Variants in DNAH5 observed in about 807,000 individuals in gnomAD.
DNAH5 encodes the protein dynein axonemal heavy chain 5, also known as axonemal beta dynein heavy chain 5.
In DNAH5, 372 loss-of-function variants were observed where a neutral mutation model predicts 518.2. That is an observed-to-expected ratio of 0.72 (90% CI 0.66 to 0.78). The LOEUF (loss-of-function observed/expected upper bound fraction) is 0.78, where lower values mean the gene tolerates loss of function less well. Ranked by LOEUF, DNAH5 falls within the 30% of genes least tolerant of loss-of-function variation. The pLI is 0.00. For missense variants in DNAH5, 5,523 were observed against 5,687.0 expected (o/e 0.97, Z 0.93); for synonymous variants, 2,039 against 2,025.9 (o/e 1.01, Z -0.17).
At chr5:13,916,752 C>A (rs1383419989) in intron 8 of DNAH5, among the ~76,000 whole-genome samples, 1 of 151,796 alleles carries the variant, frequency 6.6e-6, no homozygotes, top group Non-Finnish European at 1.5e-5. Flanking sequence ...TAATGTTGTA[C>A]TAAGTAAAAG....
At chr5:13,729,762 A>G (rs930452321) in intron 68 of DNAH5, among the ~76,000 whole-genome samples, 23 of 152,224 alleles carry the variant, frequency 1.5e-4, no homozygotes, top group Non-Finnish European at 1.5e-5. Context: ...ATCATCAGTA[A>G]TATAACTTTG....
rs771318876 is a variant in DNAH5 at position 13,692,121 on chromosome 5, G to A, written c.13738C>T (p.Arg4580Trp). The A allele has an allele frequency of 8.1e-6, 13 of 1,613,888 alleles. No homozygotes were observed. Among genetic ancestry groups the A allele is most frequent in the South Asian group, 4.4e-5 (4 of 91,084 alleles). The change falls in exon 79 of 79, where the codon CGG (arginine) becomes TGG (tryptophan). Residue 4580 changes from arginine (R) to tryptophan (W), a missense_variant. Coordinates refer to ENST00000265104, the MANE Select transcript of DNAH5 (RefSeq NM_001369.3). The part of the protein sequence containing the change: ...YAENNTLRDP[R>W]FYSCPIYKKP... ...TTATAGATGGGACAGGAGTAAAACC[G>A]AGGATCTCGTAAAGCTACAAAAAAC...
chr5:13,898,822 C>T (rs545812492), intron 15 of DNAH5: 17 of 388,810 alleles, frequency 4.4e-5, no homozygotes, highest in East Asian at 1.1e-4. Flanking sequence ...ATTCCATGGC[C>T]GCATCTCTGA....
Position 13,788,636 on chromosome 5 carries a change from A to G in DNAH5, c.8647+80T>C. Reference sequence around the variant, plus strand: ...TTTACTAGAAAGAAACTCAACATCCATAAACTGAATCTTCTGTCTTCAGAT... The same window carrying G: ...TTTACTAGAAAGAAACTCAACATCCGTAAACTGAATCTTCTGTCTTCAGAT... On this transcript the variant is annotated intron_variant, in intron 51 of 78. Coordinates refer to ENST00000265104, the MANE Select transcript of DNAH5 (RefSeq NM_001369.3). The G allele has an allele frequency of 2.4e-6, 3 of 1,237,582 alleles. No individual in the cohort carries two copies. The South Asian group carries it at 3.6e-5, about 15-fold the overall frequency. 76.7% of individuals were successfully genotyped at this position (1,237,582 alleles called of 1,614,324 possible).
intron 53 of DNAH5, among the ~76,000 whole-genome samples, chr5:13,777,821 G>A (rs1046114618): frequency 1.3e-5 from 2 of 152,102 alleles, no homozygotes; most frequent in African/African-American, 2.4e-5. Context: ...CCCCAACACC[G>A]TTATCATCAT....
intron 22 of DNAH5, among the ~76,000 whole-genome samples, chr5:13,872,340 T>C (rs1172982858): frequency 6.6e-6 from 1 of 152,208 alleles, no homozygotes; most frequent in African/African-American, 2.4e-5. Context: ...ACATAAAATG[T>C]ATAATTCATA....
Position 13,720,993 on chromosome 5 carries a change from G to A in DNAH5, c.12279+7C>T, listed in dbSNP as rs1412161583. On this transcript the variant is annotated splice_region_variant and intron_variant, in intron 71 of 78. Coordinates refer to ENST00000265104, the MANE Select transcript of DNAH5 (RefSeq NM_001369.3). ...GCATGGCACAAAAGTAGACTATTCA[G>A]CCTTACGTTCGCCATGGTCTGCTGC... The A allele has an allele frequency of 6.2e-7, 1 of 1,614,054 alleles. No homozygotes were observed.
In DNAH5 at chr5:13,717,476, T is replaced by C; in HGVS notation, c.12544A>G (p.Lys4182Glu). 6.2e-7 allele frequency: 1 copy of C among 1,614,162 alleles called. No individual in the cohort carries two copies. The highest frequency in any genetic ancestry group is 1.1e-5 in the South Asian group (1 of 91,086). ...LLDVSSGSQWKPMLYAVAFLH... is the reference protein window; with the variant it reads ...LLDVSSGSQWEPMLYAVAFLH... ...AAAGCCACTGCGTACAGCATGGGCT[T>C]CCACTGGGACCCAGAGCTCACGTCC... The change falls in exon 73 of 79, where the codon AAG (lysine) becomes GAG (glutamate). Residue 4182 changes from lysine to glutamate, a missense_variant. Coordinates refer to ENST00000265104, the MANE Select transcript of DNAH5 (RefSeq NM_001369.3).
At chr5:13,908,570 G>T in intron 12 of DNAH5, among the ~76,000 whole-genome samples, 2 of 152,190 alleles carry the variant, frequency 1.3e-5, no homozygotes, top group East Asian at 1.9e-4. Flanking sequence ...CTTCATACTC[G>T]TCTTCACATT....
At chr5:13,801,854 A>C (rs1758805235) in intron 47 of DNAH5, among the ~76,000 whole-genome samples, 1 of 152,162 alleles carries the variant, frequency 6.6e-6, no homozygotes, top group South Asian at 2.1e-4. Context: ...TACAGTTAAA[A>C]AAAAACACAT....
In DNAH5 at chr5:13,709,879, C is replaced by T. The variant is rs28736276; in HGVS notation, c.13126-1544G>A. Among the ~76,000 whole-genome samples, 1,499 of 152,286 alleles carry T rather than the reference C, an allele frequency of 9.8e-3. 24 individuals are homozygous for T. The highest frequency in any genetic ancestry group is 0.033 in the African/African-American group (1,361 of 41,554). On this transcript the variant is annotated intron_variant, in intron 75 of 78. Transcript: ENST00000265104. ...TACTTGGTGGTCCTTCCCTACCCACCCTGGTAGTGGAAGACAAACGGCATA... is the reference window on the plus strand; with the variant it reads ...TACTTGGTGGTCCTTCCCTACCCACTCTGGTAGTGGAAGACAAACGGCATA...
intron 1 of DNAH5, among the ~76,000 whole-genome samples, chr5:13,989,820 TTA>T (rs1203851584): frequency 6.6e-6 from 1 of 151,830 alleles, no homozygotes; most frequent in Non-Finnish European, 1.5e-5. Flanking sequence ...TTTCTGAGAC[TTA>T]GAGGTAGGTT....
At chr5:13,838,675 C>A (rs1320348776) in intron 35 of DNAH5, among the ~76,000 whole-genome samples, 1 of 152,108 alleles carries the variant, frequency 6.6e-6, no homozygotes, top group African/African-American at 2.4e-5. Context: ...TTATCCATTA[C>A]AATGTAATAA....
intron 1 of DNAH5, among the ~76,000 whole-genome samples, chr5:13,981,212 A>G (rs1292053654): frequency 6.6e-6 from 1 of 152,216 alleles, no homozygotes; most frequent in Non-Finnish European, 1.5e-5. Flanking sequence ...CCCCTGGTTC[A>G]TAGCAGGTGT....
At chr5:13,760,801 G>A (rs765338022) in intron 60 of DNAH5, among the ~76,000 whole-genome samples, 6 of 152,188 alleles carry the variant, frequency 3.9e-5, no homozygotes, top group Non-Finnish European at 7.3e-5. Context: ...GTTTGCCAGT[G>A]AAGCCCCTCC....
intron 70 of DNAH5, among the ~76,000 whole-genome samples, chr5:13,722,432 G>T (rs2126537737): frequency 6.6e-6 from 1 of 152,294 alleles, no homozygotes; most frequent in African/African-American, 2.4e-5. Flanking sequence ...CCTCTTTTGT[G>T]GGTTACAATG....
chr5:13,765,513 G>C (rs555224877), intron 59 of DNAH5, among the ~76,000 whole-genome samples: 1 of 151,994 alleles, frequency 6.6e-6, no homozygotes, highest in East Asian at 1.9e-4. Context: ...AGATTTCTGG[G>C]GTCTGAAAAT....
intron 1 of DNAH5, among the ~76,000 whole-genome samples, chr5:13,992,160 T>C (rs1229066241): frequency 1.3e-5 from 2 of 152,142 alleles, no homozygotes; most frequent in East Asian, 1.9e-4. Context: ...AAGGATTAGA[T>C]TGTCTTAAAA....
chr5:13,827,927 C>T (rs568461659), intron 38 of DNAH5, among the ~76,000 whole-genome samples: 1 of 152,286 alleles, frequency 6.6e-6, no homozygotes, highest in Admixed American at 6.5e-5. Flanking sequence ...GTGAAAAGGA[C>T]GTGTTTGCTT....
Sources: allele counts gnomAD v4.1 joint callset (sites outside exome capture counted in the v4.1 genomes callset), GRCh38; gene constraint gnomAD v4.1.1; transcripts MANE v1.5; gene names NCBI Gene and HGNC (gene_info 2026-07-23, HGNC 2026-07-21).